Variants in RAB6B observed in about 807,000 individuals in gnomAD.
RAB6B encodes ras-related protein Rab-6B.
RAB6B carries 7 observed loss-of-function variants against 31.2 expected under a neutral mutation model. That is an observed-to-expected ratio of 0.22 (90% CI 0.13 to 0.42). RAB6B has a LOEUF of 0.42. Ranked by LOEUF, RAB6B falls within the 10% of genes least tolerant of loss-of-function variation. The probability of loss-of-function intolerance (pLI) is 1.00; values close to 1 mark genes in which losing one functional copy is unlikely to be tolerated. For missense variants in RAB6B, 149 were observed against 280.6 expected (o/e 0.53, Z 3.35); for synonymous variants, 105 against 104.9 (o/e 1.00, Z -0.01).
At chr3:133,829,271 C>T (rs1935620915) in intron 7 of RAB6B, among the ~76,000 whole-genome samples, 1 of 152,144 alleles carries the variant, frequency 6.6e-6, no homozygotes, top group Admixed American at 6.5e-5. Context: ...GGTATGTGGG[C>T]CTTGCCTAAT....
chr3:133,877,369 G>C (rs1352338427), intron 1 of RAB6B, among the ~76,000 whole-genome samples: 1 of 152,218 alleles, frequency 6.6e-6, no homozygotes, highest in Admixed American at 6.5e-5. Flanking sequence ...AGGAAACAGT[G>C]CTTGGCATCC....
At chr3:133,855,853 A>G (rs1391201593) in intron 2 of RAB6B, among the ~76,000 whole-genome samples, 1 of 152,194 alleles carries the variant, frequency 6.6e-6, no homozygotes, top group Non-Finnish European at 1.5e-5. Context: ...ACTACTTTAG[A>G]CTGTAAAAGC....
chr3:133,835,436 C>T (rs1935719593), intron 6 of RAB6B, among the ~76,000 whole-genome samples: 1 of 149,894 alleles, frequency 6.7e-6, no homozygotes, highest in Admixed American at 6.6e-5. Context: ...AGTGTGTGTC[C>T]TTGGTAAGGT....
chr3:133,844,947 G>GAA lies in RAB6B; in HGVS notation c.130-3286_130-3285dup, dbSNP rs66909707. 7.8e-4 allele frequency among the ~76,000 whole-genome samples: 114 copies of GAA among 145,328 alleles called. 1 individual carries two copies. The highest frequency in any genetic ancestry group is 8.4e-4 in the Non-Finnish European group (56 of 66,302). The stretch of plus-strand genomic sequence containing the variant: ...AACAGAGCAAGACCCTGGCTCAAAA[G>GAA]AAAAAAAAAAAAGTAGGTAGGAGTT... On this transcript the variant is annotated intron_variant, in intron 2 of 7. Transcript: ENST00000285208.
At chr3:133,860,587 G>A (rs1175138568) in intron 2 of RAB6B, among the ~76,000 whole-genome samples, 1 of 152,244 alleles carries the variant, frequency 6.6e-6, no homozygotes, top group African/African-American at 2.4e-5. Flanking sequence ...GGAGCGGCAG[G>A]AATGCAGTGA....
chr3:133,828,057 CA>C lies in RAB6B; in HGVS notation c.*730del, dbSNP rs910303321. On this transcript the variant is annotated 3_prime_UTR_variant, in exon 8 of 8. Coordinates refer to ENST00000285208, the MANE Select transcript of RAB6B (RefSeq NM_016577.4). ...GAGAACACAAGGTTGCCTGTACCCT[CA>C]ACCCCCTTCAAGGCTTTTCAGGGAA... is the stretch of plus-strand genomic sequence containing the variant. The C allele has an allele frequency of 2.9e-6, 2 of 695,304 alleles. No individual in the cohort carries two copies. The highest frequency in any genetic ancestry group is 2.0e-5 in the Admixed American group (1 of 49,756). The allele number at this position is 695,304 out of a possible 1,614,324, so 43.1% of individuals were successfully genotyped here.
intron 2 of RAB6B, among the ~76,000 whole-genome samples, chr3:133,861,729 T>C (rs1283549196): frequency 1.3e-5 from 2 of 151,462 alleles, no homozygotes; most frequent in East Asian, 3.9e-4. Flanking sequence ...GAGAGGGGAG[T>C]AGTGGGGCCA....
intron 7 of RAB6B, among the ~76,000 whole-genome samples, chr3:133,830,422 C>G (rs1342005728): frequency 2.0e-5 from 3 of 152,222 alleles, no homozygotes; most frequent in African/African-American, 4.8e-5. Flanking sequence ...AGCTTATCCC[C>G]TTCCCTCAAT....
At chr3:133,885,353 A>G (rs549785361) in intron 1 of RAB6B, among the ~76,000 whole-genome samples, 53 of 151,886 alleles carry the variant, frequency 3.5e-4, no homozygotes, top group Non-Finnish European at 7.4e-4. Flanking sequence ...CACACACCCA[A>G]TGACCAGAGG....
At chr3:133,883,719 C>G (rs185421622) in intron 1 of RAB6B, among the ~76,000 whole-genome samples, 1 of 152,252 alleles carries the variant, frequency 6.6e-6, no homozygotes, top group East Asian at 1.9e-4. Flanking sequence ...TTATTCCCCC[C>G]ACTCACAGAC....
chr3:133,853,602 G>T (rs1936032412), intron 2 of RAB6B, among the ~76,000 whole-genome samples: 2 of 151,992 alleles, frequency 1.3e-5, no homozygotes, highest in Non-Finnish European at 2.9e-5. Flanking sequence ...ATACTTGGAT[G>T]GGGTAATATG....
At chr3:133,841,164 ACACACATGCGTGT>A in intron 4 of RAB6B, 108 bp downstream of exon 4, 1 of 646,822 alleles carries the variant, frequency 1.5e-6, no homozygotes, top group South Asian at 1.9e-5. Context: ...GAGCAATCGC[ACACACATGCGTGT>A]GCACACACAT....
In RAB6B at chr3:133,828,222, G is replaced by A. The variant is rs1027197466; in HGVS notation, c.*566C>T. ...GACAAGAGTCAGAGCTACCTTTTCA[G>A]AGGCTGATGTGTTCAACCAATGTTT... On this transcript the variant is annotated 3_prime_UTR_variant, in exon 8 of 8. Coordinates refer to ENST00000285208, the MANE Select transcript of RAB6B (RefSeq NM_016577.4). 5 of 549,812 alleles carry A rather than the reference G, an allele frequency of 9.1e-6. No homozygotes were observed. In the South Asian group the frequency reaches 1.1e-4, roughly 12 times the overall value. 34.1% of individuals were successfully genotyped at this position (549,812 alleles called of 1,614,324 possible). A position where few individuals can be genotyped will look rare whatever the true frequency, so the allele number is the denominator to read the frequency against.
intron 1 of RAB6B, among the ~76,000 whole-genome samples, chr3:133,882,173 C>T (rs1038125791): frequency 6.6e-6 from 1 of 152,180 alleles, no homozygotes; most frequent in East Asian, 1.9e-4. Flanking sequence ...ACATCCCTTG[C>T]CACGTGACCC....
intron 6 of RAB6B, 138 bp downstream of exon 6, chr3:133,838,028 G>C (rs910083417): frequency 8.3e-6 from 7 of 838,654 alleles, no homozygotes; most frequent in Non-Finnish European, 1.4e-5. Context: ...CTCCCTGGGC[G>C]CATCTATGGG....
At chr3:133,858,894 A>G (rs558877729) in intron 2 of RAB6B, among the ~76,000 whole-genome samples, 2 of 152,304 alleles carry the variant, frequency 1.3e-5, no homozygotes, top group Admixed American at 6.5e-5. Context: ...AATTAATCAG[A>G]TGGAATTTAA....
intron 1 of RAB6B, among the ~76,000 whole-genome samples, chr3:133,893,938 G>C (rs1269253650): frequency 6.6e-6 from 1 of 152,134 alleles, no homozygotes; most frequent in Non-Finnish European, 1.5e-5. Flanking sequence ...TGGCTGAGTG[G>C]ATCTTCTTCT....
At position 133,838,152 on chromosome 3, in the gene RAB6B, A is replaced by G. The variant is rs766661957; in HGVS notation, c.495+14T>C. The G allele has an allele frequency of 6.2e-7, 1 of 1,609,144 alleles. No homozygotes were observed. The highest frequency in any genetic ancestry group is 8.5e-7 in the Non-Finnish European group (1 of 1,175,698). On this transcript the variant is annotated intron_variant, in intron 6 of 7. Transcript: ENST00000285208. ...CGGGCCCCGTGCCGGGCCCCGTGCCAGGTGTGTCCTCACCTGCTTCACGTT... is the reference window on the plus strand; with the variant it reads ...CGGGCCCCGTGCCGGGCCCCGTGCCGGGTGTGTCCTCACCTGCTTCACGTT...
chr3:133,855,430 A>C (rs1936061266), intron 2 of RAB6B, among the ~76,000 whole-genome samples: 1 of 152,234 alleles, frequency 6.6e-6, no homozygotes, highest in South Asian at 2.1e-4. Flanking sequence ...GTCACCACCC[A>C]ATTTAAATAT....
Sources: gnomAD v4.1 joint callset for allele counts (sites outside exome capture counted in the v4.1 genomes callset) on GRCh38, gnomAD v4.1.1 for gene constraint, MANE v1.5 for transcripts, NCBI Gene and HGNC (gene_info 2026-07-23, HGNC 2026-07-21) for gene names.